Variants in OSBPL10 observed in about 807,000 individuals in gnomAD.
The protein encoded by OSBPL10 is oxysterol binding protein like 10, also known as oxysterol-binding protein-related protein 10.
A neutral mutation model predicts 81.7 loss-of-function variants in OSBPL10; 49 were observed. The observed-to-expected ratio is 0.60, with a 90% confidence interval of 0.48 to 0.76. The LOEUF is 0.76. Among genes scored for constraint, OSBPL10 ranks in the 30% least tolerant of loss-of-function variants. The pLI, the probability that OSBPL10 is intolerant of heterozygous loss-of-function variation, is 0.00. For missense variants in OSBPL10, 923 were observed against 987.8 expected (o/e 0.93, Z 0.88); for synonymous variants, 419 against 383.6 (o/e 1.09, Z -1.08).
chr3:31,792,019 G>C (rs1021296065), intron 4 of OSBPL10, among the ~76,000 whole-genome samples: 1 of 152,136 alleles, frequency 6.6e-6, no homozygotes, highest in Non-Finnish European at 1.5e-5. Context: ...GCCGAGGTGG[G>C]AGGATCACTT....
rs1700080002 is a variant in OSBPL10, at chr3:31,661,908, AGT to A, written c.*162_*163del. 3 of 999,190 alleles carry A rather than the reference AGT, an allele frequency of 3.0e-6. No homozygotes were observed. Among genetic ancestry groups the A allele is most frequent in the Admixed American group, 2.7e-5 (1 of 37,130 alleles). The allele number at this position is 999,190 out of a possible 1,614,324, so 61.9% of individuals were successfully genotyped here. On this transcript the variant is annotated 3_prime_UTR_variant, in exon 12 of 12. Transcript: ENST00000396556. ...TTGAATAAATTCATTCCTCTAGCAG[AGT>A]GTGGGGGTGCACTTTTCATAGTATA...
At chr3:31,886,405 C>T (rs938990929) in intron 1 of OSBPL10, among the ~76,000 whole-genome samples, 23 of 152,178 alleles carry the variant, frequency 1.5e-4, no homozygotes, top group African/African-American at 5.3e-4. Flanking sequence ...ATGAAGGCCC[C>T]TTACCTACCC....
At chr3:31,692,249 A>T (rs1255558419) in intron 7 of OSBPL10, among the ~76,000 whole-genome samples, 1 of 152,076 alleles carries the variant, frequency 6.6e-6, no homozygotes, top group African/African-American at 2.4e-5. Flanking sequence ...TCTCCCCAGG[A>T]CTCAATTCCT....
chr3:31,919,694 G>A (rs77167062), intron 1 of OSBPL10, among the ~76,000 whole-genome samples: 4,766 of 152,250 alleles, frequency 0.031, 235 homozygotes, highest in African/African-American at 0.11. Flanking sequence ...GGTCCAGGGA[G>A]GCAGTTCACA....
At chr3:31,842,011 CTCT>C (rs1559488067) in intron 3 of OSBPL10, among the ~76,000 whole-genome samples, 1 of 152,136 alleles carries the variant, frequency 6.6e-6, no homozygotes, top group East Asian at 1.9e-4. Context: ...TCAGGCTGCC[CTCT>C]TCTTTAAACA....
At position 31,859,581 on chromosome 3, in the gene OSBPL10, T is replaced by C. The variant is rs138768481; in HGVS notation, c.537+16852A>G. 4.7e-3 allele frequency among the ~76,000 whole-genome samples: 719 copies of C among 152,336 alleles called. 5 individuals carry two copies. Among genetic ancestry groups the C allele is most frequent in the African/African-American group, 0.017 (686 of 41,564 alleles). On this transcript the variant is annotated intron_variant, in intron 3 of 11. Transcript: ENST00000396556. ...ATGATGGACCCAATCTCCATCTTGG[T>C]GAAATGGTTTTCTTTTGCCCTTTCA... is the stretch of plus-strand genomic sequence containing the variant.
At chr3:31,874,112 C>CTT (rs5847723) in intron 3 of OSBPL10, among the ~76,000 whole-genome samples, 111 of 144,758 alleles carry the variant, frequency 7.7e-4, no homozygotes, top group African/African-American at 2.2e-3. Flanking sequence ...TCTTCAAATT[C>CTT]TTTTTTTTTT....
rs111560500 is a variant in OSBPL10, at chr3:31,883,722, G to C, written c.282-3892C>G. Among the ~76,000 whole-genome samples, 68 of 152,038 alleles carry C rather than the reference G, an allele frequency of 4.5e-4. 2 individuals carry two copies. Among genetic ancestry groups the C allele is most frequent in the African/African-American group, 1.5e-3 (62 of 41,486 alleles). On this transcript the variant is annotated intron_variant, in intron 1 of 11. Coordinates refer to ENST00000396556, the MANE Select transcript of OSBPL10 (RefSeq NM_017784.5). ...AATTTTTGCATTTTCAGTAGAGACA[G>C]GGTTTCGCCATGTTGGCCAGGCAGG...
At chr3:31,989,351 G>A in intron 2 of OSBPL10, 1 of 1,614,192 alleles carries the variant, frequency 6.2e-7, no homozygotes, top group Non-Finnish European at 8.5e-7. Context: ...ACATTAGAAA[G>A]ACATGAAAGT....
intron 3 of OSBPL10, among the ~76,000 whole-genome samples, chr3:31,853,308 G>GT (rs769397022): frequency 1.3e-5 from 2 of 152,126 alleles, no homozygotes; most frequent in Non-Finnish European, 2.9e-5. Flanking sequence ...AAATGACCCT[G>GT]TATCCTAACC....
chr3:31,895,989 A>G (rs1696043096), intron 1 of OSBPL10, among the ~76,000 whole-genome samples: 1 of 152,202 alleles, frequency 6.6e-6, no homozygotes, highest in African/African-American at 2.4e-5. Flanking sequence ...TATATCCTCA[A>G]TGCACACACC....
At chr3:31,872,812 C>T (rs1336184118) in intron 3 of OSBPL10, among the ~76,000 whole-genome samples, 1 of 151,896 alleles carries the variant, frequency 6.6e-6, no homozygotes, top group African/African-American at 2.4e-5. Flanking sequence ...TTTTTGGAGA[C>T]AGGGTTTCGC....
chr3:31,745,846 A>G (rs934376470), intron 5 of OSBPL10, among the ~76,000 whole-genome samples: 1 of 152,164 alleles, frequency 6.6e-6, no homozygotes, highest in African/African-American at 2.4e-5. Flanking sequence ...CACACAATCT[A>G]CTCTGAAAAA....
chr3:31,827,584 T>TGA (rs2125522471), intron 4 of OSBPL10, among the ~76,000 whole-genome samples: 1 of 151,594 alleles, frequency 6.6e-6, no homozygotes, highest in South Asian at 2.1e-4. Flanking sequence ...TGCACTGAGC[T>TGA]GAGATCAAGC....
At chr3:31,797,359 A>G (rs1699255147) in intron 4 of OSBPL10, among the ~76,000 whole-genome samples, 1 of 152,238 alleles carries the variant, frequency 6.6e-6, no homozygotes, top group South Asian at 2.1e-4. Context: ...AGAAAAAAGA[A>G]AAGAAAAGAA....
chr3:31,878,282 A>T (rs1209928041), intron 2 of OSBPL10, among the ~76,000 whole-genome samples: 1 of 152,184 alleles, frequency 6.6e-6, no homozygotes, highest in African/African-American at 2.4e-5. Context: ...CATTTTATAA[A>T]CCACAGGCAG....
intron 1 of OSBPL10, among the ~76,000 whole-genome samples, chr3:31,903,151 C>A (rs1035914262): frequency 6.6e-6 from 1 of 152,076 alleles, no homozygotes; most frequent in African/African-American, 2.4e-5. Flanking sequence ...CACTAAGTAC[C>A]AAGCACTATT....
chr3:31,982,393 T>C (rs1157717058), upstream of OSBPL10, among the ~76,000 whole-genome samples: 1 of 152,140 alleles, frequency 6.6e-6, no homozygotes, highest in Non-Finnish European at 1.5e-5. Flanking sequence ...AGGTGATAGA[T>C]GATAGGTGAT....
In OSBPL10 at chr3:31,664,141, C is replaced by A; in HGVS notation, c.2188G>T (p.Val730Leu). ...AGGTTCTCGCGCTTCCGTTCCTCCA[C>A]CCGTTGCTTCTCCTCCAGGTGCCGC... The part of the protein sequence containing the change: ...QKRHLEEKQR[V>L]EERKRENLRT... Residue 730 changes from valine to leucine, a missense_variant, in exon 11 of 12, where the codon GTG (valine) becomes TTG (leucine). Physicochemically the swap from Val to Leu is conservative, Grantham distance 32. Transcript: ENST00000396556. 1 of 1,613,934 alleles carries A rather than the reference C, an allele frequency of 6.2e-7. No homozygotes were observed.
Sources: allele counts gnomAD v4.1 joint callset (sites outside exome capture counted in the v4.1 genomes callset), GRCh38; gene constraint gnomAD v4.1.1; transcripts MANE v1.5; gene names NCBI Gene and HGNC (gene_info 2026-07-23, HGNC 2026-07-21).